Variants in SPPL2A observed in about 807,000 individuals in gnomAD.
The protein encoded by SPPL2A is signal peptide peptidase like 2A.
In SPPL2A, 51 loss-of-function variants were observed where a neutral mutation model predicts 63.8. The ratio of observed to expected loss-of-function variants is 0.80; its 90% CI spans 0.64 to 1.01. SPPL2A has a LOEUF of 1.01. Ranked by LOEUF, SPPL2A falls within the 50% of genes least tolerant of loss-of-function variation. The probability of loss-of-function intolerance (pLI) is 0.00; values close to 1 mark genes in which losing one functional copy is unlikely to be tolerated. For synonymous variants in SPPL2A, 188 were observed against 205.8 expected, an observed-to-expected ratio of 0.91 and a Z score of 0.74; for missense variants, 553 against 622.7, an observed-to-expected ratio of 0.89 and a Z score of 1.19.
At chr15:50,763,796 G>A (rs28566775) in intron 1 of SPPL2A, among the ~76,000 whole-genome samples, 51 of 152,314 alleles carry the variant, frequency 3.3e-4, no homozygotes, top group African/African-American at 1.2e-3. Context: ...TACTCGGGAG[G>A]CTGAGGCAGG....
In SPPL2A at chr15:50,747,444, C is replaced by T. The variant is rs1344866394; in HGVS notation, c.584+51G>A. 2.0e-6 allele frequency: 3 copies of T among 1,473,480 alleles called. No individual in the cohort carries two copies. In the South Asian group the frequency reaches 3.7e-5, roughly 18 times the overall value. 91.3% of individuals were successfully genotyped at this position (1,473,480 alleles called of 1,614,324 possible). A position where few individuals can be genotyped will look rare whatever the true frequency, so the allele number is the denominator to read the frequency against. ...TGTTGTTATATAATTAAAATGATTG[C>T]AGAAATTTTTAACCATTTATTACAA... On this transcript the variant is annotated intron_variant, in intron 5 of 14. Coordinates refer to ENST00000261854, the MANE Select transcript of SPPL2A (RefSeq NM_032802.4).
At position 50,736,627 on chromosome 15, in the gene SPPL2A, C is replaced by T. The variant is rs544620705; in HGVS notation, c.830+17G>A. On this transcript the variant is annotated intron_variant, in intron 7 of 14. Coordinates refer to ENST00000261854, the MANE Select transcript of SPPL2A (RefSeq NM_032802.4). The stretch of plus-strand genomic sequence containing the variant: ...ATAAACACCAACATTATAAGATTTC[C>T]TGTAAGAGATACGTACGTGCATTGT... The T allele has an allele frequency of 1.1e-5, 15 of 1,380,412 alleles. No homozygotes were observed. Among genetic ancestry groups the T allele is most frequent in the Middle Eastern group, 4.1e-4 (2 of 4,892 alleles). The allele number at this position is 1,380,412 out of a possible 1,614,324, so 85.5% of individuals were successfully genotyped here.
intron 5 of SPPL2A, among the ~76,000 whole-genome samples, chr15:50,746,249 T>A (rs187676680): frequency 6.6e-6 from 1 of 151,244 alleles, no homozygotes; most frequent in East Asian, 2.0e-4. Flanking sequence ...ACCATCCTGA[T>A]CAACATGGTG....
chr15:50,765,665 C>G lies in SPPL2A; in HGVS notation c.-132G>C. The stretch of plus-strand genomic sequence containing the variant: ...ACAGGCGCGGGCGGCCGGGCTACGA[C>G]TGGACCGCCGCTGCTACAGCGGCCG... On this transcript the variant is annotated 5_prime_UTR_variant, in exon 1 of 15. Coordinates refer to ENST00000261854, the MANE Select transcript of SPPL2A (RefSeq NM_032802.4). 2 of 497,392 alleles carry G rather than the reference C, an allele frequency of 4.0e-6. No homozygotes were observed. The highest frequency in any genetic ancestry group is 1.2e-4 in the South Asian group (2 of 16,362). 30.8% of individuals were successfully genotyped at this position (497,392 alleles called of 1,614,324 possible).
At chr15:50,750,799 C>T (rs2062899673) in intron 1 of SPPL2A, among the ~76,000 whole-genome samples, 2 of 152,168 alleles carry the variant, frequency 1.3e-5, no homozygotes, top group South Asian at 4.1e-4. Context: ...TGGCTCAATA[C>T]AAATCCTTCT....
intron 9 of SPPL2A, among the ~76,000 whole-genome samples, chr15:50,732,300 T>C (rs2062737170): frequency 6.9e-6 from 1 of 145,330 alleles, no homozygotes; most frequent in African/African-American, 2.6e-5. Flanking sequence ...AAAACTACAC[T>C]TGAACCCCTT....
At chr15:50,708,412 G>T (rs2062528933) in intron 14 of SPPL2A, among the ~76,000 whole-genome samples, 1 of 151,980 alleles carries the variant, frequency 6.6e-6, no homozygotes, top group African/African-American at 2.4e-5. Flanking sequence ...ACAAAACCAA[G>T]AATACATTTG....
At position 50,754,754 on chromosome 15, in the gene SPPL2A, G is replaced by A. The variant is rs570041223; in HGVS notation, c.67-5008C>T. ...GGCTGGCACTTTGGGAGGCCTAGGTGGGCGGATCAACTGAGGTCGGGTGTT... is the reference window on the plus strand; with the variant it reads ...GGCTGGCACTTTGGGAGGCCTAGGTAGGCGGATCAACTGAGGTCGGGTGTT... On this transcript the variant is annotated intron_variant, in intron 1 of 14. Coordinates refer to ENST00000261854, the MANE Select transcript of SPPL2A (RefSeq NM_032802.4). Among the ~76,000 whole-genome samples the A allele has an allele frequency of 2.6e-4, 39 of 151,600 alleles. No homozygotes were observed. The South Asian group carries it at 7.7e-3, about 30-fold the overall frequency.
At chr15:50,738,416 G>A (rs2062791140) in intron 6 of SPPL2A, among the ~76,000 whole-genome samples, 1 of 151,780 alleles carries the variant, frequency 6.6e-6, no homozygotes. Flanking sequence ...GGGCACAGTG[G>A]CGCACACCTG....
chr15:50,736,553 G>C, intron 7 of SPPL2A, 91 bp downstream of exon 7: 2 of 700,214 alleles, frequency 2.9e-6, no homozygotes, highest in Non-Finnish European at 4.9e-6. Context: ...ATGTATATTG[G>C]ACTATATAGG....
rs532599499 is a variant in SPPL2A, at chr15:50,747,394, T to G, written c.584+101A>C. ...GCAGACTGGGCTTACTGGCATCATA[T>G]TCTGAGGGCAGATAAATTTTTAAAT... On this transcript the variant is annotated intron_variant, in intron 5 of 14. Coordinates refer to ENST00000261854, the MANE Select transcript of SPPL2A (RefSeq NM_032802.4). 35 of 982,280 alleles carry G rather than the reference T, an allele frequency of 3.6e-5. No homozygotes were observed. In the African/African-American group the frequency reaches 5.4e-4, roughly 15 times the overall value. 60.8% of individuals were successfully genotyped at this position (982,280 alleles called of 1,614,324 possible).
At chr15:50,723,726 T>G (rs2062665238) in intron 12 of SPPL2A, among the ~76,000 whole-genome samples, 1 of 152,214 alleles carries the variant, frequency 6.6e-6, no homozygotes, top group African/African-American at 2.4e-5. Context: ...TCTACCTGCC[T>G]CAGTCTCCCA....
At chr15:50,718,860 G>A (rs746789875) in intron 14 of SPPL2A, among the ~76,000 whole-genome samples, 7 of 152,122 alleles carry the variant, frequency 4.6e-5, no homozygotes, top group Non-Finnish European at 7.3e-5. Context: ...CATCCAAAGT[G>A]TCTCTCTTTT....
chr15:50,725,456 G>A (rs1596381648), intron 11 of SPPL2A, 133 bp from the exon 12 acceptor site: 1 of 587,026 alleles, frequency 1.7e-6, no homozygotes, highest in East Asian at 3.0e-5. Flanking sequence ...GTCTCGCTCT[G>A]TCGCCCAAGT....
At position 50,749,705 on chromosome 15, in the gene SPPL2A, G is replaced by A. The variant is rs2062891633; in HGVS notation, c.108C>T (p.Gly36=). 2.5e-6 allele frequency: 4 copies of A among 1,613,612 alleles called. No homozygotes were observed. The highest frequency in any genetic ancestry group is 4.5e-5 in the East Asian group (2 of 44,886). ...QEAILHASGN[G]TTKDYCMLYN... ...AAAGCATGCAGTAGTCCTTGGTTGT[G>A]CCATTTCCAGACGCATGCAAGATTG... Residue 36 remains glycine (G), a synonymous_variant, in exon 2 of 15, where the codon GGC becomes GGT. Coordinates refer to ENST00000261854, the MANE Select transcript of SPPL2A (RefSeq NM_032802.4).
intron 5 of SPPL2A, among the ~76,000 whole-genome samples, chr15:50,747,188 T>G (rs2062865000): frequency 6.6e-6 from 1 of 152,212 alleles, no homozygotes; most frequent in Non-Finnish European, 1.5e-5. Flanking sequence ...TCTTCCAATC[T>G]AAATCAATAG....
At chr15:50,736,236 A>T (rs768758784) in intron 7 of SPPL2A, 34 bp from the exon 8 acceptor site, 2 of 1,176,452 alleles carry the variant, frequency 1.7e-6, no homozygotes, top group South Asian at 2.4e-5. Flanking sequence ...AACACTGCAG[A>T]TGAAGTACAA....
chr15:50,707,532 ATT>A lies in SPPL2A; in HGVS notation c.*266_*267del. 9.8e-6 allele frequency: 3 copies of A among 304,842 alleles called. No homozygotes were observed. Among genetic ancestry groups the A allele is most frequent in the East Asian group, 1.1e-4 (2 of 18,230 alleles). 18.9% of individuals were successfully genotyped at this position (304,842 alleles called of 1,614,324 possible). On this transcript the variant is annotated 3_prime_UTR_variant, in exon 15 of 15. Coordinates refer to ENST00000261854, the MANE Select transcript of SPPL2A (RefSeq NM_032802.4). Reference sequence around the variant, plus strand: ...AAAAAGTATAGGGGTGGGTCAAGGCATTTTTTTTTAGAAAAATATACTGTATA... The same window carrying A: ...AAAAAGTATAGGGGTGGGTCAAGGCATTTTTTTAGAAAAATATACTGTATA...
At chr15:50,748,019 G>A in intron 4 of SPPL2A, 94 bp downstream of exon 4, 1 of 550,478 alleles carries the variant, frequency 1.8e-6, no homozygotes, top group African/African-American at 2.0e-5. Context: ...TTAGCAAATG[G>A]AGCAAATATA....
Sources: allele counts gnomAD v4.1 joint callset (sites outside exome capture counted in the v4.1 genomes callset), GRCh38; gene constraint gnomAD v4.1.1; transcripts MANE v1.5; gene names NCBI Gene and HGNC (gene_info 2026-07-23, HGNC 2026-07-21).